FGF14: variants seen among roughly 807,000 people sequenced by gnomAD.
FGF14 encodes fibroblast growth factor 14.
In FGF14, 5 loss-of-function variants were observed where a neutral mutation model predicts 25.5. The ratio of observed to expected loss-of-function variants is 0.20; its 90% CI spans 0.10 to 0.41. The LOEUF is 0.41. FGF14 is among the 10% of genes least tolerant of loss of function. FGF14 has a pLI of 1.00. For missense variants in FGF14, 222 were observed against 320.1 expected (o/e 0.69, Z 2.34); for synonymous variants, 138 against 118.3 (o/e 1.17, Z -1.08).
At chr13:101,899,074 C>T (rs1252759245) in intron 1 of FGF14, among the ~76,000 whole-genome samples, 1 of 152,084 alleles carries the variant, frequency 6.6e-6, no homozygotes, top group African/African-American at 2.4e-5. Context: ...GTTGGAGCCC[C>T]TATAAACTAT....
chr13:101,730,028 A>G (rs1308335401), intron 3 of FGF14, among the ~76,000 whole-genome samples: 1 of 152,218 alleles, frequency 6.6e-6, no homozygotes, highest in Non-Finnish European at 1.5e-5. Context: ...GTGGGACAGA[A>G]GTGGAGAATG....
At chr13:102,002,843 C>T (rs2039572563) in intron 1 of FGF14, 1 of 152,108 alleles carries the variant, frequency 6.6e-6, no homozygotes, top group African/African-American at 2.4e-5. Flanking sequence ...TTCTGCTTAT[C>T]ATCAAATTGA....
chr13:101,811,041 G>A (rs61007930), intron 3 of FGF14, among the ~76,000 whole-genome samples: 3 of 141,142 alleles, frequency 2.1e-5, no homozygotes, highest in African/African-American at 5.3e-5. Context: ...CGCCCCCCCC[G>A]GCCCCCGCAT....
intron 1 of FGF14, among the ~76,000 whole-genome samples, chr13:102,268,035 T>A (rs2053074709): frequency 6.6e-6 from 1 of 152,026 alleles, no homozygotes; most frequent in Non-Finnish European, 1.5e-5. Flanking sequence ...TTCTAAGACA[T>A]CAGAATAGGA....
intron 1 of FGF14, among the ~76,000 whole-genome samples, chr13:102,365,034 G>GTTCCACGATCAGCAC (rs1482715171): frequency 5.3e-5 from 8 of 152,000 alleles, no homozygotes; most frequent in African/African-American, 1.9e-4. Flanking sequence ...GCTATTTTTT[G>GTTCCACGATCAGCAC]TCTTTACACC....
At chr13:102,321,264 T>C (rs1365176977) in intron 1 of FGF14, among the ~76,000 whole-genome samples, 2 of 152,180 alleles carry the variant, frequency 1.3e-5, no homozygotes, top group East Asian at 3.9e-4. Context: ...ATTCAAGTTA[T>C]ATGGACTGTT....
At chr13:101,773,299 G>C (rs2038892521) in intron 3 of FGF14, among the ~76,000 whole-genome samples, 1 of 152,138 alleles carries the variant, frequency 6.6e-6, no homozygotes, top group African/African-American at 2.4e-5. Flanking sequence ...TGAGTAATCA[G>C]TTGCTCTGGG....
intron 1 of FGF14, among the ~76,000 whole-genome samples, chr13:102,360,815 C>T (rs2057543470): frequency 6.6e-6 from 1 of 152,026 alleles, no homozygotes; most frequent in African/African-American, 2.4e-5. Flanking sequence ...CTTAACCAAG[C>T]CAGTTCCCAC....
chr13:102,291,685 T>C (rs960878586), intron 1 of FGF14, among the ~76,000 whole-genome samples: 5 of 152,074 alleles, frequency 3.3e-5, no homozygotes, highest in African/African-American at 7.2e-5. Context: ...AAAGACTTGA[T>C]TGGAATAAAA....
chr13:102,241,462 G>C (rs1394472767), intron 1 of FGF14, among the ~76,000 whole-genome samples: 1 of 152,036 alleles, frequency 6.6e-6, no homozygotes, highest in African/African-American at 2.4e-5. Context: ...ATCGTAAAAA[G>C]ACTCTTTAGA....
At chr13:102,095,618 G>C (rs1019265200) in intron 1 of FGF14, among the ~76,000 whole-genome samples, 1 of 152,050 alleles carries the variant, frequency 6.6e-6, no homozygotes, top group Non-Finnish European at 1.5e-5. Context: ...AAGACAGCAA[G>C]ACCAGCCCCT....
At chr13:101,845,567 G>C (rs187466783) in intron 3 of FGF14, among the ~76,000 whole-genome samples, 28 of 152,112 alleles carry the variant, frequency 1.8e-4, no homozygotes, top group South Asian at 6.2e-4. Context: ...GACAGTGAAG[G>C]CATGCTGAGA....
At chr13:102,386,761 TG>T (rs906734931) in intron 1 of FGF14, among the ~76,000 whole-genome samples, 2 of 152,222 alleles carry the variant, frequency 1.3e-5, no homozygotes, top group Non-Finnish European at 2.9e-5. Flanking sequence ...GACTCCGAAG[TG>T]GCACCTCTAC....
At chr13:102,201,215 T>C (rs1207286185) in intron 1 of FGF14, among the ~76,000 whole-genome samples, 1 of 150,256 alleles carries the variant, frequency 6.7e-6, no homozygotes, top group Non-Finnish European at 1.5e-5. Context: ...TAGTGGGCGA[T>C]CTCCTCAAGC....
chr13:101,843,796 C>T (rs1005437888), intron 3 of FGF14, among the ~76,000 whole-genome samples: 1 of 151,834 alleles, frequency 6.6e-6, no homozygotes, highest in Non-Finnish European at 1.5e-5. Context: ...CTTGGGGAGA[C>T]AGGGAGGTGA....
chr13:101,796,811 C>A (rs559662443), intron 3 of FGF14, among the ~76,000 whole-genome samples: 1 of 152,082 alleles, frequency 6.6e-6, no homozygotes, highest in Non-Finnish European at 1.5e-5. Flanking sequence ...TTAAGCCCCC[C>A]GGTTGGTAGT....
intron 1 of FGF14, among the ~76,000 whole-genome samples, chr13:102,110,795 C>T (rs1051424052): frequency 1.3e-5 from 2 of 152,192 alleles, no homozygotes; most frequent in African/African-American, 4.8e-5. Flanking sequence ...CATTTATTCG[C>T]TGGCTCAGTT....
In FGF14 at chr13:101,868,767, C is replaced by T; in HGVS notation, c.366G>A (p.Gly122=). 7.4e-6 allele frequency: 12 copies of T among 1,613,666 alleles called. No individual in the cohort carries two copies. Among genetic ancestry groups the T allele is most frequent in the Non-Finnish European group, 1.0e-5 (12 of 1,179,650 alleles). The change falls in exon 3 of 5, where the codon GGG becomes GGA. Residue 122 remains glycine (G), a synonymous_variant. Transcript: ENST00000376143. ...CTTCTCCATTCATGGCTATATACAA[C>T]CCTGTTTTCACTCCCTGGATGGCAA... is the stretch of plus-strand genomic sequence containing the variant. ...RVVAIQGVKT[G]LYIAMNGEGY...
intron 1 of FGF14, among the ~76,000 whole-genome samples, chr13:101,909,593 C>CAGGT (rs2032668339): frequency 6.6e-6 from 1 of 152,176 alleles, no homozygotes; most frequent in Non-Finnish European, 1.5e-5. Context: ...CAGGAAACAA[C>CAGGT]AGGTGATAGA....
Sources: gnomAD v4.1 joint callset for allele counts (sites outside exome capture counted in the v4.1 genomes callset) on GRCh38, gnomAD v4.1.1 for gene constraint, MANE v1.5 for transcripts, NCBI Gene and HGNC (gene_info 2026-07-23, HGNC 2026-07-21) for gene names.